Variants in LUM observed in about 807,000 individuals in gnomAD.
LUM encodes the protein lumican, also known as KSPG lumican.
A neutral mutation model predicts 20.5 loss-of-function variants in LUM; 13 were observed. The observed-to-expected ratio is 0.63, with a 90% confidence interval of 0.41 to 1.01. LUM has a LOEUF of 1.01. Among genes scored for constraint, LUM ranks in the 50% least tolerant of loss-of-function variants. LUM has a pLI of 0.00. For synonymous variants in LUM, 173 were observed against 151.5 expected (o/e 1.14, Z -1.04); for missense variants, 321 against 391.1 (o/e 0.82, Z 1.51).
intron 1 of LUM, among the ~76,000 whole-genome samples, chr12:91,110,615 T>C (rs111503607): frequency 6.6e-6 from 1 of 152,162 alleles, no homozygotes; most frequent in Non-Finnish European, 1.5e-5. Context: ...CTATTTTAAA[T>C]TTACTATACA....
chr12:91,107,050 G>A (rs1880050641), intron 2 of LUM, among the ~76,000 whole-genome samples: 1 of 150,796 alleles, frequency 6.6e-6, no homozygotes, highest in South Asian at 2.1e-4. Context: ...GTGGCCTGAG[G>A]TGGGAGAATC....
intron 2 of LUM, among the ~76,000 whole-genome samples, chr12:91,105,420 T>G (rs1190687996): frequency 6.6e-6 from 1 of 152,214 alleles, no homozygotes; most frequent in East Asian, 1.9e-4. Context: ...GCTGTCTTTC[T>G]AAATTACTCT....
rs767705068 is a variant in LUM, at chr12:91,104,130, A to T, written c.*35T>A. 3.8e-6 allele frequency: 6 copies of T among 1,569,010 alleles called. No individual in the cohort carries two copies. The East Asian group carries it at 1.4e-4, about 35-fold the overall frequency. Reference sequence around the variant, plus strand: ...ACTATGAAAACTGACACACAGAAAAACATAACCATAAAATATTGTTCCAGG... The same window carrying T: ...ACTATGAAAACTGACACACAGAAAATCATAACCATAAAATATTGTTCCAGG... On this transcript the variant is annotated 3_prime_UTR_variant, in exon 3 of 3. Transcript: ENST00000266718.
intron 2 of LUM, among the ~76,000 whole-genome samples, chr12:91,105,796 A>G (rs914898715): frequency 1.3e-4 from 20 of 152,172 alleles, no homozygotes; most frequent in African/African-American, 4.3e-4. Context: ...TCCTTTACTC[A>G]TGCAATGTAT....
At chr12:91,109,537 T>C (rs1880157916) in intron 1 of LUM, among the ~76,000 whole-genome samples, 1 of 152,110 alleles carries the variant, frequency 6.6e-6, no homozygotes, top group Non-Finnish European at 1.5e-5. Flanking sequence ...TTACTGTTGG[T>C]TCTGAGGAAG....
At chr12:91,105,083 C>T (rs1294719173) in intron 2 of LUM, among the ~76,000 whole-genome samples, 3 of 152,122 alleles carry the variant, frequency 2.0e-5, no homozygotes, top group African/African-American at 7.2e-5. Flanking sequence ...TTTTCATTTT[C>T]AAACTCTAGT....
chr12:91,107,818 C>A (rs1367849782), intron 2 of LUM, among the ~76,000 whole-genome samples: 1 of 151,930 alleles, frequency 6.6e-6, no homozygotes, highest in Non-Finnish European at 1.5e-5. Context: ...CAGGTTCAAG[C>A]AATTCTCCTG....
At position 91,103,576 on chromosome 12, in the gene LUM, T is replaced by C. The variant is rs984552415; in HGVS notation, c.*589A>G. ...CATTTGCTATGTTTTATTTTGCTAG[T>C]AGCTTATTAAACATAACATGCAAAT... On this transcript the variant is annotated 3_prime_UTR_variant, in exon 3 of 3. Transcript: ENST00000266718. 2 of 152,164 alleles carry C rather than the reference T, an allele frequency of 1.3e-5. No homozygotes were observed. The highest frequency in any genetic ancestry group is 4.8e-5 in the African/African-American group (2 of 41,462). 9.4% of individuals were successfully genotyped at this position (152,164 alleles called of 1,614,324 possible). A position where few individuals can be genotyped will look rare whatever the true frequency, so the allele number is the denominator to read the frequency against.
rs144214151 is a variant in LUM, at chr12:91,108,422, G to T, written c.558C>A (p.Leu186=). Residue 186 remains leucine, a synonymous_variant, in exon 2 of 3, where the codon CTC becomes CTA. Coordinates refer to ENST00000266718, the MANE Select transcript of LUM (RefSeq NM_002345.4). This position sits in a 1 kb window ranked among gnomAD's most constrained non-coding sequence, Gnocchi z 4.2. ...VSAAFKGLKS[L]EYLDLSFNQI... ...GATTGAAGCTCAAGTCAAGGTATTC[G>T]AGTGATTTAAGACCTTTAAAAGCAG... 6.2e-6 allele frequency: 10 copies of T among 1,614,088 alleles called. No individual in the cohort carries two copies. Among genetic ancestry groups the T allele is most frequent in the Non-Finnish European group, 8.5e-6 (10 of 1,179,994 alleles).
In LUM at chr12:91,106,711, A is replaced by AAAAAAC. The variant is rs398020575; in HGVS notation, c.862+1406_862+1407insGTTTTT. Among the ~76,000 whole-genome samples the AAAAAAC allele has an allele frequency of 1.5e-3, 218 of 147,126 alleles. 3 individuals are homozygous for AAAAAAC. In the East Asian group the frequency reaches 0.018, roughly 12 times the overall value. On this transcript the variant is annotated intron_variant, in intron 2 of 2. Transcript: ENST00000266718. ...CTTCTAAAAAAAAAAAAAAAAAAAA[A>AAAAAAC]GATGTTAGAATCTCCCATCATATTT...
intron 1 of LUM, among the ~76,000 whole-genome samples, chr12:91,109,305 G>A (rs940794188): frequency 1.3e-5 from 2 of 152,070 alleles, no homozygotes; most frequent in Non-Finnish European, 1.5e-5. Context: ...TCCTGTAAGA[G>A]GTTTCTGGGT....
At chr12:91,109,393 C>G (rs1880153483) in intron 1 of LUM, among the ~76,000 whole-genome samples, 1 of 152,174 alleles carries the variant, frequency 6.6e-6, no homozygotes, top group East Asian at 1.9e-4. Flanking sequence ...CAGTTTTTAA[C>G]TGTATACTCT....
intron 2 of LUM, among the ~76,000 whole-genome samples, chr12:91,106,040 G>A (rs1223907370): frequency 6.6e-6 from 1 of 152,146 alleles, no homozygotes; most frequent in African/African-American, 2.4e-5. Context: ...ACAACAAGAG[G>A]GGTTTAGCTG....
intron 2 of LUM, among the ~76,000 whole-genome samples, chr12:91,107,311 AAGAAAGAAAGAAAGAAAG>A: frequency 1.4e-5 from 2 of 138,992 alleles, no homozygotes; most frequent in South Asian, 4.8e-4. Flanking sequence ...GAAAGAAAGA[AAGAAAGAAAGAAAGAAAG>A]AAAGAAAGAA....
At chr12:91,107,308 A>AGG (rs1404632978) in intron 2 of LUM, among the ~76,000 whole-genome samples, 5 of 135,350 alleles carry the variant, frequency 3.7e-5, no homozygotes, top group African/African-American at 6.1e-5. Flanking sequence ...AAAGAAAGAA[A>AGG]GAAAGAAAGA....
chr12:91,107,431 C>G (rs1165504593), intron 2 of LUM, among the ~76,000 whole-genome samples: 1 of 151,862 alleles, frequency 6.6e-6, no homozygotes, highest in African/African-American at 2.4e-5. Context: ...ATGGAGTTTG[C>G]CAACTGTGCC....
At chr12:91,106,919 C>G (rs951260420) in intron 2 of LUM, among the ~76,000 whole-genome samples, 5 of 151,760 alleles carry the variant, frequency 3.3e-5, no homozygotes, top group Non-Finnish European at 7.4e-5. Flanking sequence ...CGCCTGTAAT[C>G]CCAGTACTTT....
chr12:91,107,155 G>A (rs11105992), intron 2 of LUM, among the ~76,000 whole-genome samples: 3,979 of 130,578 alleles, frequency 0.03, 221 homozygotes, highest in East Asian at 0.26. Context: ...AAAAAAAAAA[G>A]AAAGAAAGAA....
intron 2 of LUM, among the ~76,000 whole-genome samples, chr12:91,106,815 A>T (rs906988881): frequency 2.6e-5 from 4 of 151,404 alleles, no homozygotes; most frequent in African/African-American, 4.8e-5. Flanking sequence ...ACAGAGGCAG[A>T]TGATGATCAT....
Sources: allele counts gnomAD v4.1 joint callset (sites outside exome capture counted in the v4.1 genomes callset), GRCh38; gene constraint gnomAD v4.1.1; non-coding constraint Gnocchi (gnomAD v3.1); transcripts MANE v1.5; gene names NCBI Gene and HGNC (gene_info 2026-07-23, HGNC 2026-07-21).